EDC3: variants seen among roughly 807,000 people sequenced by gnomAD.
The protein encoded by EDC3 is enhancer of mRNA decapping 3, also known as enhancer of mRNA-decapping protein 3.
In EDC3, 20 loss-of-function variants were observed where a neutral mutation model predicts 41.8. The ratio of observed to expected loss-of-function variants is 0.48; its 90% CI spans 0.34 to 0.70. The LOEUF (loss-of-function observed/expected upper bound fraction) is 0.70. Among genes scored for constraint, EDC3 ranks in the 30% least tolerant of loss-of-function variants. EDC3 has a pLI of 0.01. For synonymous variants in EDC3, 206 were observed against 243.2 expected, an observed-to-expected ratio of 0.85 and a Z score of 1.42; for missense variants, 444 against 636.8, an observed-to-expected ratio of 0.70 and a Z score of 3.26.
intron 3 of EDC3, among the ~76,000 whole-genome samples, chr15:74,658,627 A>G (rs906081038): frequency 1.6e-3 from 162 of 101,108 alleles, no homozygotes; most frequent in African/African-American, 6.7e-3. Flanking sequence ...CGTCTCTGAA[A>G]AAAAAAAAAA....
intron 4 of EDC3, chr15:74,642,332 T>C (rs1485663213): frequency 6.6e-6 from 1 of 152,238 alleles, no homozygotes; most frequent in African/African-American, 2.4e-5. Flanking sequence ...TTAGGAGCAC[T>C]GAGTCTCTCC....
intron 1 of EDC3, among the ~76,000 whole-genome samples, chr15:74,676,257 T>C (rs972808805): frequency 2.6e-5 from 4 of 152,056 alleles, no homozygotes; most frequent in Non-Finnish European, 5.9e-5. Flanking sequence ...ATATAGTGCG[T>C]AAAAGGGGGA....
chr15:74,647,839 T>G (rs1567159890), intron 4 of EDC3, among the ~76,000 whole-genome samples: 1 of 152,236 alleles, frequency 6.6e-6, no homozygotes, highest in Non-Finnish European at 1.5e-5. Context: ...TGAAAAGTTG[T>G]GACACTTCGC....
In EDC3 at chr15:74,631,307, G is replaced by A. The variant is rs1054946577; in HGVS notation, c.*1305C>T. 3.9e-5 allele frequency: 6 copies of A among 152,352 alleles called. No individual in the cohort carries two copies. Among genetic ancestry groups the A allele is most frequent in the African/African-American group, 1.4e-4 (6 of 41,468 alleles). The allele number at this position is 152,352 out of a possible 1,614,324, so 9.4% of individuals were successfully genotyped here. ...GGCAGACACAGAGCAGAAGCAGCCT[G>A]AAGCCCTGAAGCAGGCTTAAACACA... On this transcript the variant is annotated 3_prime_UTR_variant, in exon 7 of 7. Coordinates refer to ENST00000315127, the MANE Select transcript of EDC3 (RefSeq NM_025083.5).
At chr15:74,642,502 A>C (rs185389340) in intron 4 of EDC3, 1 of 152,250 alleles carries the variant, frequency 6.6e-6, no homozygotes, top group Non-Finnish European at 1.5e-5. Flanking sequence ...AACAATTTTC[A>C]AAAGTCCTAA....
At position 74,640,706 on chromosome 15, in the gene EDC3, G is replaced by A. The variant is rs369876458; in HGVS notation, c.821-87C>T. The A allele has an allele frequency of 1.2e-4, 178 of 1,541,944 alleles. No homozygotes were observed. The Middle Eastern group carries it at 2.2e-3, about 19-fold the overall frequency. On this transcript the variant is annotated intron_variant, in intron 4 of 6. Transcript: ENST00000315127. ...ATACTCTATCCAAGATTCTGCAAAT[G>A]CCAACATTTTACCATGGATCACCCC...
chr15:74,693,542 T>A (rs1409031344), intron 1 of EDC3, among the ~76,000 whole-genome samples: 1 of 152,148 alleles, frequency 6.6e-6, no homozygotes, highest in Admixed American at 6.6e-5. Context: ...ATAAAGAAAG[T>A]GATGAAACCC....
chr15:74,681,276 C>T (rs192618851), intron 1 of EDC3, among the ~76,000 whole-genome samples: 83 of 152,234 alleles, frequency 5.5e-4, no homozygotes, highest in Non-Finnish European at 1.1e-3. Flanking sequence ...CTTCAGCCTC[C>T]CGAGTAGCTG....
intron 1 of EDC3, among the ~76,000 whole-genome samples, chr15:74,690,642 A>G (rs533836230): frequency 1.3e-5 from 2 of 152,238 alleles, no homozygotes; most frequent in East Asian, 3.8e-4. Flanking sequence ...TGGGAAAGGC[A>G]GAGATCTTAA....
chr15:74,683,498 G>C (rs1243283822), intron 1 of EDC3, among the ~76,000 whole-genome samples: 1 of 152,198 alleles, frequency 6.6e-6, no homozygotes, highest in Admixed American at 6.5e-5. Context: ...TCAAGGTCGT[G>C]ACAGTGTACT....
intron 4 of EDC3, among the ~76,000 whole-genome samples, chr15:74,655,511 AG>A (rs1167371339): frequency 1.3e-5 from 2 of 152,170 alleles, no homozygotes; most frequent in Non-Finnish European, 2.9e-5. Flanking sequence ...ATATCCTACC[AG>A]ATACAGGATA....
At chr15:74,666,535 C>A (rs1313813393) in intron 3 of EDC3, among the ~76,000 whole-genome samples, 1 of 152,140 alleles carries the variant, frequency 6.6e-6, no homozygotes, top group Non-Finnish European at 1.5e-5. Flanking sequence ...TATCAAGTCA[C>A]AAAACGACAT....
At chr15:74,672,466 C>T (rs185171615) in intron 2 of EDC3, among the ~76,000 whole-genome samples, 3 of 152,236 alleles carry the variant, frequency 2.0e-5, no homozygotes, top group East Asian at 1.9e-4. Context: ...AAAACCACTA[C>T]GTGCCCACAG....
chr15:74,638,949 A>C (rs993598812), intron 5 of EDC3: 1 of 134,586 alleles, frequency 7.4e-6, no homozygotes, highest in Non-Finnish European at 1.6e-5. Flanking sequence ...TCTAAGAGAC[A>C]AAAAAAAAAA....
At chr15:74,635,764 G>T (rs1437549990) in intron 5 of EDC3, 138 bp from the exon 6 acceptor site, 7 of 796,228 alleles carry the variant, frequency 8.8e-6, no homozygotes, top group African/African-American at 1.7e-5. Flanking sequence ...TCCAGAGGGG[G>T]ACAAAATCCA....
In EDC3 at chr15:74,671,328, T is replaced by A; in HGVS notation, c.484+127A>T. On this transcript the variant is annotated intron_variant, in intron 3 of 6. Coordinates refer to ENST00000315127, the MANE Select transcript of EDC3 (RefSeq NM_025083.5). This position sits in a 1 kb window ranked among gnomAD's most constrained non-coding sequence, Gnocchi z 4.6. The stretch of plus-strand genomic sequence containing the variant: ...TGGAGGAAGAGAACCATGTTGTATT[T>A]CTGTGACGCTCAGCCAGCATCCATT... The A allele has an allele frequency of 9.3e-7, 1 of 1,072,892 alleles. No homozygotes were observed. The highest frequency in any genetic ancestry group is 2.4e-5 in the Admixed American group (1 of 41,378). The allele number at this position is 1,072,892 out of a possible 1,614,324, so 66.5% of individuals were successfully genotyped here.
chr15:74,632,598 T>A lies in EDC3; in HGVS notation c.*14A>T. On this transcript the variant is annotated 3_prime_UTR_variant, in exon 7 of 7. Transcript: ENST00000315127. The surrounding 1 kb of genome is among the most constrained non-coding windows in gnomAD (Gnocchi z 4.0). ...CAGCAGGGGACAGCAGAGTCCTGCC[T>A]GCGCAGGAACCCTCTAAGCAGAGTG... 1 of 1,607,422 alleles carries A rather than the reference T, an allele frequency of 6.2e-7. No homozygotes were observed.
rs752663211 is a variant in EDC3, at chr15:74,631,064, G to A, written c.*1548C>T. ...AGGCTCAGAGAATACACAGCACAAG[G>A]GTTACAGTCCCTGGCCTCTTCCCAT... On this transcript the variant is annotated 3_prime_UTR_variant, in exon 7 of 7. Coordinates refer to ENST00000315127, the MANE Select transcript of EDC3 (RefSeq NM_025083.5). 1.3e-5 allele frequency: 2 copies of A among 152,262 alleles called. No individual in the cohort carries two copies. The highest frequency in any genetic ancestry group is 1.3e-4 in the Admixed American group (2 of 15,282). 9.4% of individuals were successfully genotyped at this position (152,262 alleles called of 1,614,324 possible).
chr15:74,659,366 G>C (rs962451636), intron 3 of EDC3, among the ~76,000 whole-genome samples: 81 of 151,818 alleles, frequency 5.3e-4, no homozygotes, highest in African/African-American at 1.8e-3. Flanking sequence ...GGAGGCTGGG[G>C]AAAGAATTGC....
Sources: gnomAD v4.1 joint callset for allele counts (sites outside exome capture counted in the v4.1 genomes callset) on GRCh38, gnomAD v4.1.1 for gene constraint, Gnocchi (gnomAD v3.1) non-coding constraint, MANE v1.5 for transcripts, NCBI Gene and HGNC (gene_info 2026-07-23, HGNC 2026-07-21) for gene names.